PRKG1: variants seen among roughly 807,000 people sequenced by gnomAD.
The protein encoded by PRKG1 is cGMP-dependent protein kinase 1.
PRKG1 carries 35 observed loss-of-function variants against 88.1 expected under a neutral mutation model. That is an observed-to-expected ratio of 0.40 (90% CI 0.30 to 0.53). The LOEUF (loss-of-function observed/expected upper bound fraction) is 0.53. PRKG1 is among the 20% of genes least tolerant of loss of function. The pLI is 0.59. For missense variants in PRKG1, 540 were observed against 839.8 expected, an observed-to-expected ratio of 0.64 and a Z score of 4.41; for synonymous variants, 303 against 292.5, an observed-to-expected ratio of 1.04 and a Z score of -0.37.
intron 3 of PRKG1, among the ~76,000 whole-genome samples, chr10:51,534,446 A>G (rs1443609954): frequency 2.6e-5 from 4 of 152,050 alleles, no homozygotes; most frequent in Non-Finnish European, 5.9e-5. Flanking sequence ...AGGCAGGCGG[A>G]TCATGAGGTC....
In PRKG1 at chr10:51,101,781, T is replaced by C. The variant is rs548555815; in HGVS notation, c.311+26880T>C. ...ATTATCAGACCAAATAAAACTAAAA[T>C]GCTGAGAAGCGATTGGATTTTTGTT... On this transcript the variant is annotated intron_variant, in intron 1 of 17. Coordinates refer to ENST00000373980, the MANE Select transcript of PRKG1 (RefSeq NM_006258.4). 5.3e-5 allele frequency among the ~76,000 whole-genome samples: 8 copies of C among 152,282 alleles called. 1 individual carries two copies. The South Asian group carries it at 1.5e-3, about 28-fold the overall frequency.
chr10:51,017,077 C>T (rs1403138721), intron 1 of PRKG1, among the ~76,000 whole-genome samples: 1 of 151,774 alleles, frequency 6.6e-6, no homozygotes, highest in African/African-American at 2.4e-5. Context: ...CTTCATGTAA[C>T]GTCCCCAGTC....
intron 1 of PRKG1, among the ~76,000 whole-genome samples, chr10:51,019,146 G>A (rs945091883): frequency 7.9e-5 from 12 of 151,922 alleles, no homozygotes; most frequent in South Asian, 6.2e-4. Flanking sequence ...ACCTCTAAAC[G>A]GTCTGCTTTT....
At chr10:51,348,031 C>G (rs192082246) in intron 2 of PRKG1, among the ~76,000 whole-genome samples, 1 of 152,170 alleles carries the variant, frequency 6.6e-6, no homozygotes. Context: ...CCACTGCACT[C>G]CAGCCTGGGT....
chr10:51,906,947 A>T (rs1024239107), intron 4 of PRKG1, among the ~76,000 whole-genome samples: 2 of 152,190 alleles, frequency 1.3e-5, no homozygotes, highest in Non-Finnish European at 2.9e-5. Flanking sequence ...TTCTATAAAG[A>T]GTCTGTTTTG....
At chr10:52,101,006 G>A (rs1847280783) in intron 7 of PRKG1, among the ~76,000 whole-genome samples, 1 of 152,250 alleles carries the variant, frequency 6.6e-6, no homozygotes, top group East Asian at 1.9e-4. Context: ...TGTGGCCAAG[G>A]CAATTTGATG....
At chr10:51,537,008 G>A (rs1842173611) in intron 3 of PRKG1, among the ~76,000 whole-genome samples, 1 of 152,042 alleles carries the variant, frequency 6.6e-6, no homozygotes, top group South Asian at 2.1e-4. Flanking sequence ...ATTAAAATCT[G>A]TAATCCATCT....
intron 3 of PRKG1, among the ~76,000 whole-genome samples, chr10:51,680,771 G>A (rs1840831965): frequency 6.6e-6 from 1 of 152,184 alleles, no homozygotes; most frequent in Non-Finnish European, 1.5e-5. Context: ...TATGCTCAGA[G>A]GAACTGGGAC....
chr10:51,675,654 A>AT (rs1840692328), intron 3 of PRKG1, among the ~76,000 whole-genome samples: 1 of 152,142 alleles, frequency 6.6e-6, no homozygotes, highest in Non-Finnish European at 1.5e-5. Flanking sequence ...TGCTCCACTG[A>AT]TTTTTGTCCT....
At chr10:52,277,348 A>G (rs1396666242) in intron 12 of PRKG1, among the ~76,000 whole-genome samples, 3 of 152,092 alleles carry the variant, frequency 2.0e-5, no homozygotes, top group Admixed American at 6.6e-5. Flanking sequence ...CAAACCCCCA[A>G]CCTCCACCCT....
At chr10:51,980,202 G>A (rs12414809) in intron 5 of PRKG1, among the ~76,000 whole-genome samples, 1 of 152,054 alleles carries the variant, frequency 6.6e-6, no homozygotes, top group South Asian at 2.1e-4. Flanking sequence ...TAGTTTCAAA[G>A]AACTTCTTGA....
chr10:51,515,473 T>C (rs994061357), intron 3 of PRKG1, among the ~76,000 whole-genome samples: 1 of 152,192 alleles, frequency 6.6e-6, no homozygotes, highest in African/African-American at 2.4e-5. Context: ...ATGAGACACG[T>C]GAAATCTTAG....
At chr10:51,471,728 T>G (rs563634955) in intron 3 of PRKG1, among the ~76,000 whole-genome samples, 34 of 152,038 alleles carry the variant, frequency 2.2e-4, no homozygotes, top group African/African-American at 7.9e-4. Context: ...CTTCTCTTAC[T>G]TTGAGTTTCA....
At chr10:51,198,222 A>G (rs1026844640) in intron 2 of PRKG1, among the ~76,000 whole-genome samples, 9 of 152,084 alleles carry the variant, frequency 5.9e-5, no homozygotes, top group Admixed American at 4.6e-4. Flanking sequence ...CTTAGACTCA[A>G]CTGGAGTTTG....
At chr10:52,126,673 A>G (rs1483721271) in intron 7 of PRKG1, among the ~76,000 whole-genome samples, 3 of 152,092 alleles carry the variant, frequency 2.0e-5, no homozygotes, top group Non-Finnish European at 4.4e-5. Flanking sequence ...ATGTGTAAAA[A>G]TTGTTCTTAT....
At chr10:51,965,908 T>C (rs1337876000) in intron 5 of PRKG1, among the ~76,000 whole-genome samples, 1 of 152,172 alleles carries the variant, frequency 6.6e-6, no homozygotes, top group Non-Finnish European at 1.5e-5. Flanking sequence ...ATTTTGAAGA[T>C]TGCAGTCAGT....
chr10:51,238,262 G>A (rs1326400842), intron 2 of PRKG1, among the ~76,000 whole-genome samples: 1 of 152,110 alleles, frequency 6.6e-6, no homozygotes, highest in African/African-American at 2.4e-5. Context: ...ACTTTATTGA[G>A]TTGCTATAGA....
At chr10:51,904,820 C>T (rs12359282) in intron 4 of PRKG1, among the ~76,000 whole-genome samples, 41,422 of 151,952 alleles carry the variant, frequency 0.27, 5,898 homozygotes, top group Admixed American at 0.36. Flanking sequence ...CATCCTAAAA[C>T]CTGATGCTTT....
chr10:51,025,171 A>T (rs917685035), intron 1 of PRKG1, among the ~76,000 whole-genome samples: 1 of 152,206 alleles, frequency 6.6e-6, no homozygotes, highest in African/African-American at 2.4e-5. Flanking sequence ...AGTCTTGATC[A>T]ATCACAATAA....
Sources: gnomAD v4.1 joint callset for allele counts (sites outside exome capture counted in the v4.1 genomes callset) on GRCh38, gnomAD v4.1.1 for gene constraint, MANE v1.5 for transcripts, NCBI Gene and HGNC (gene_info 2026-07-23, HGNC 2026-07-21) for gene names.